The following IL12RB2 variants were observed in gnomAD, a reference collection of about 807,000 sequenced individuals.
IL12RB2 encodes the protein interleukin-12 receptor subunit beta-2.
A neutral mutation model predicts 89.4 loss-of-function variants in IL12RB2; 82 were observed. That is an observed-to-expected ratio of 0.92 (90% confidence interval 0.77 to 1.10). The LOEUF (loss-of-function observed/expected upper bound fraction) is 1.10. Among genes scored for constraint, IL12RB2 ranks in the 50% least tolerant of loss-of-function variants. The pLI is 0.00. For synonymous variants in IL12RB2, 368 were observed against 370.1 expected, an observed-to-expected ratio of 0.99 and a Z score of 0.07; for missense variants, 963 against 1,031.9, an observed-to-expected ratio of 0.93 and a Z score of 0.92.
intron 9 of IL12RB2, among the ~76,000 whole-genome samples, chr1:67,344,713 G>GT (rs1660025188): frequency 6.6e-6 from 1 of 152,072 alleles, no homozygotes; most frequent in African/African-American, 2.4e-5. Context: ...TCAAAAACTG[G>GT]TGAGTCTACT....
In IL12RB2 at chr1:67,396,308, A is replaced by C; in HGVS notation, c.*219A>C. ...GCCTTTCCCAGGGCCTTAAAATTAC[A>C]TCCTTCACTGTGTGGACCTAGAGAC... On this transcript the variant is annotated 3_prime_UTR_variant, in exon 17 of 17. Transcript: ENST00000674203. The C allele has an allele frequency of 1.6e-6, 1 of 618,050 alleles. No homozygotes were observed. Among genetic ancestry groups the C allele is most frequent in the Non-Finnish European group, 2.9e-6 (1 of 344,024 alleles). 38.3% of individuals were successfully genotyped at this position (618,050 alleles called of 1,614,324 possible).
intron 13 of IL12RB2, among the ~76,000 whole-genome samples, chr1:67,376,918 G>A (rs1664049480): frequency 6.6e-6 from 1 of 152,188 alleles, no homozygotes. Flanking sequence ...CCTGTGTTAG[G>A]AATAGAGAAA....
rs577129846 is a variant in IL12RB2, at chr1:67,355,318, G to T, written c.1258+4229G>T. Among the ~76,000 whole-genome samples, 3 of 151,762 alleles carry T rather than the reference G, an allele frequency of 2.0e-5. No homozygotes were observed. The South Asian group carries it at 6.2e-4, about 32-fold the overall frequency. ...AGTCCCAGCTACTCGGGAGGCTGAG[G>T]CAGGAGAATCGCTTGAACCCGGGAG... On this transcript the variant is annotated intron_variant, in intron 10 of 16. Coordinates refer to ENST00000674203, the MANE Select transcript of IL12RB2 (RefSeq NM_001374259.2).
At chr1:67,389,500 A>ACAAT (rs888715238) in intron 15 of IL12RB2, among the ~76,000 whole-genome samples, 3 of 152,250 alleles carry the variant, frequency 2.0e-5, no homozygotes, top group African/African-American at 7.2e-5. Context: ...ATTGCCAAAT[A>ACAAT]CAATCACTGT....
Position 67,348,441 on chromosome 1 carries a change from C to T in IL12RB2, c.1039-2429C>T, listed in dbSNP as rs183488556. 3.0e-4 allele frequency among the ~76,000 whole-genome samples: 46 copies of T among 152,268 alleles called. No homozygotes were observed. The East Asian group carries it at 7.9e-3, about 26-fold the overall frequency. On this transcript the variant is annotated intron_variant, in intron 9 of 16. Coordinates refer to ENST00000674203, the MANE Select transcript of IL12RB2 (RefSeq NM_001374259.2). ...TAGAAGTCGAGAGCTCTGGGCTCTG[C>T]GCCTACCTTCTTCATCTGTCCATTG...
intron 16 of IL12RB2, among the ~76,000 whole-genome samples, chr1:67,392,266 C>T (rs770275751): frequency 1.3e-5 from 2 of 151,948 alleles, no homozygotes; most frequent in Admixed American, 1.3e-4. Context: ...AGCAAAAACT[C>T]GGGCATAATG....
In IL12RB2 at chr1:67,351,078, T is replaced by C. The variant is rs1660782520; in HGVS notation, c.1247T>C (p.Leu416Pro). Residue 416 changes from leucine to proline, a missense_variant, in exon 10 of 17, where the codon CTG (leucine) becomes CCG (proline). Leu to Pro is a moderately conservative substitution (Grantham distance 98, BLOSUM62 -3). Transcript: ENST00000674203. ...CCCACTCGTATTAACATAATGAACC[T>C]GTGTGAGGCAGGTAAGTTCTAATTT... ...SLPTRINIMN[L>P]CEAGLLAPRQ... 1 of 1,612,878 alleles carries C rather than the reference T, an allele frequency of 6.2e-7. No homozygotes were observed. Among genetic ancestry groups the C allele is most frequent in the Non-Finnish European group, 8.5e-7 (1 of 1,179,818 alleles).
chr1:67,308,889 G>A (rs1251753258), intron 1 of IL12RB2, among the ~76,000 whole-genome samples: 3 of 151,990 alleles, frequency 2.0e-5, no homozygotes, highest in African/African-American at 4.8e-5. Context: ...GCATGATGAC[G>A]CACACCTGTA....
chr1:67,365,007 A>G (rs1288127395), intron 10 of IL12RB2, among the ~76,000 whole-genome samples: 1 of 152,266 alleles, frequency 6.6e-6, no homozygotes, highest in South Asian at 2.1e-4. Context: ...ACAGAAAGAT[A>G]GCTGGAAAAT....
chr1:67,349,667 C>G (rs1660614414), intron 9 of IL12RB2, among the ~76,000 whole-genome samples: 1 of 152,070 alleles, frequency 6.6e-6, no homozygotes, highest in Non-Finnish European at 1.5e-5. Flanking sequence ...CTTTTGGATC[C>G]AGAAGGGTCA....
chr1:67,386,620 A>T lies in IL12RB2; in HGVS notation c.1897A>T (p.Ile633Phe), dbSNP rs1570196711. ...GGCGTTTGTGGCACCAAGCATTTGC[A>T]TTGCTATCATCATGGTGGGCATTTT... ...WMAFVAPSIC[I>F]AIIMVGIFST... is the part of the protein sequence containing the mutation. The change falls in exon 15 of 17, where the codon ATT (isoleucine) becomes TTT (phenylalanine). Residue 633 changes from isoleucine (I) to phenylalanine (F), a missense_variant. By Grantham distance (21) the Ile-to-Phe change is conservative (BLOSUM62 0). Coordinates refer to ENST00000674203, the MANE Select transcript of IL12RB2 (RefSeq NM_001374259.2). 6.2e-7 allele frequency: 1 copy of T among 1,613,774 alleles called. No individual in the cohort carries two copies. The highest frequency in any genetic ancestry group is 1.3e-5 in the African/African-American group (1 of 74,976).
At chr1:67,372,031 C>G (rs1035984382) in intron 11 of IL12RB2, among the ~76,000 whole-genome samples, 2 of 151,676 alleles carry the variant, frequency 1.3e-5, no homozygotes, top group African/African-American at 4.8e-5. Flanking sequence ...TTCTTGAAGG[C>G]AAGTTGTTTT....
chr1:67,351,247 C>T (rs1401038411), intron 10 of IL12RB2, among the ~76,000 whole-genome samples, 158 bp downstream of exon 10: 1 of 151,968 alleles, frequency 6.6e-6, no homozygotes, highest in East Asian at 1.9e-4. Context: ...TTCCAATCAG[C>T]CTATGAGTAG....
At position 67,372,671 on chromosome 1, in the gene IL12RB2, G is replaced by A. The variant is rs2229545; in HGVS notation, c.1605G>A (p.Gly535=). 1.9e-4 allele frequency: 308 copies of A among 1,613,018 alleles called. No homozygotes were observed. Among genetic ancestry groups the A allele is most frequent in the Admixed American group, 2.5e-4 (15 of 60,022 alleles). Residue 535 remains glycine (G), a synonymous_variant, in exon 13 of 17, where the codon GGG becomes GGA. Transcript: ENST00000674203. ...PHINAITEEK[G]SILISWNSIP... is the part of the protein sequence containing the mutation. ...TTAATGCCATCACAGAGGAAAAGGG[G>A]AGCATTTTAATTTCATGGAACAGCA... is the stretch of plus-strand genomic sequence containing the variant.
At chr1:67,336,314 T>C (rs1312706819) in intron 8 of IL12RB2, among the ~76,000 whole-genome samples, 3 of 152,190 alleles carry the variant, frequency 2.0e-5, no homozygotes, top group South Asian at 2.1e-4. Flanking sequence ...ATATGCACCC[T>C]TGCGTTGTGT....
At chr1:67,336,589 AAAG>A (rs1200923334) in intron 8 of IL12RB2, among the ~76,000 whole-genome samples, 2 of 152,226 alleles carry the variant, frequency 1.3e-5, no homozygotes, top group African/African-American at 4.8e-5. Context: ...AGAGAAAAGA[AAAG>A]AAGTGAATGT....
At chr1:67,328,649 G>C (rs1171519789) in intron 6 of IL12RB2, among the ~76,000 whole-genome samples, 1 of 152,160 alleles carries the variant, frequency 6.6e-6, no homozygotes, top group Non-Finnish European at 1.5e-5. Context: ...GAAAGAACCA[G>C]CTACTAATGA....
At chr1:67,341,541 A>AAG (rs780357284) in intron 9 of IL12RB2, among the ~76,000 whole-genome samples, 4,917 of 37,696 alleles carry the variant, frequency 0.13, 109 homozygotes, top group Middle Eastern at 0.27. Flanking sequence ...GAAAGAAAGA[A>AAG]AGAAAGAAAG....
Position 67,367,990 on chromosome 1 carries a change from G to A in IL12RB2, c.1424G>A (p.Arg475Gln), listed in dbSNP as rs747423800. The A allele has an allele frequency of 1.3e-5, 21 of 1,609,854 alleles. No individual in the cohort carries two copies. The highest frequency in any genetic ancestry group is 4.0e-5 in the African/African-American group (3 of 74,864). Residue 475 changes from arginine (R) to glutamine (Q), a missense_variant, in exon 11 of 17, where the codon CGG becomes CAG. Physicochemically the swap from Arg to Gln is conservative, Grantham distance 43 (BLOSUM62 1). Coordinates refer to ENST00000674203, the MANE Select transcript of IL12RB2 (RefSeq NM_001374259.2). ...GDTQVPLNWL[R>Q]SRPYNVSALI... ...ACACAGGTCCCTCTAAACTGGCTAC[G>A]GAGTCGACCCTACAATGTGTCTGCT...
Sources: allele counts gnomAD v4.1 joint callset (sites outside exome capture counted in the v4.1 genomes callset), GRCh38; gene constraint gnomAD v4.1.1; transcripts MANE v1.5; gene names NCBI Gene and HGNC (gene_info 2026-07-23, HGNC 2026-07-21).